Variants in WDR7 observed in about 807,000 individuals in gnomAD.
WDR7 encodes WD repeat-containing protein 7.
In WDR7, 46 loss-of-function variants were observed where a neutral mutation model predicts 169.4. That is an observed-to-expected ratio of 0.27 (90% CI 0.21 to 0.35). The LOEUF is 0.35. Ranked by LOEUF, WDR7 falls within the 10% of genes least tolerant of loss-of-function variation. The pLI, the probability that WDR7 is intolerant of heterozygous loss-of-function variation, is 1.00. For missense variants in WDR7, 1,534 were observed against 1,859.3 expected (o/e 0.83, Z 3.22); for synonymous variants, 612 against 666.8 (o/e 0.92, Z 1.27).
intron 21 of WDR7, among the ~76,000 whole-genome samples, chr18:56,891,994 A>C (rs2046270387): frequency 1.3e-5 from 2 of 152,130 alleles, no homozygotes. Context: ...TATATGTTGT[A>C]TAACAGCTTT....
chr18:56,946,581 G>A (rs759379649), intron 25 of WDR7, among the ~76,000 whole-genome samples: 3 of 152,078 alleles, frequency 2.0e-5, no homozygotes, highest in Non-Finnish European at 4.4e-5. Flanking sequence ...TTTGTCTCCT[G>A]TATTCCTTCC....
At position 56,825,649 on chromosome 18, in the gene WDR7, A is replaced by G. The variant is rs141442054; in HGVS notation, c.3304+9505A>G. Among the ~76,000 whole-genome samples, 1,180 of 152,352 alleles carry G rather than the reference A, an allele frequency of 7.7e-3. 5 individuals are homozygous for G. Among genetic ancestry groups the G allele is most frequent in the Non-Finnish European group, 0.013 (882 of 68,022 alleles). On this transcript the variant is annotated intron_variant, in intron 20 of 27. Transcript: ENST00000254442. Reference sequence around the variant, plus strand: ...ATTTTTAAAAAATCAAGTCATTTATAAACCTTACAAGAGAAAAAAGAAACA... The same window carrying G: ...ATTTTTAAAAAATCAAGTCATTTATGAACCTTACAAGAGAAAAAAGAAACA...
At chr18:56,668,415 G>A (rs536669500) in intron 1 of WDR7, among the ~76,000 whole-genome samples, 36 of 152,264 alleles carry the variant, frequency 2.4e-4, no homozygotes, top group Admixed American at 3.3e-4. Flanking sequence ...ACCCATTGAA[G>A]TCTAGGTTAG....
chr18:56,680,149 G>A (rs979507175), intron 3 of WDR7, among the ~76,000 whole-genome samples: 3 of 152,114 alleles, frequency 2.0e-5, no homozygotes, highest in African/African-American at 7.2e-5. Context: ...GTGAGCACAG[G>A]AGTTTGAGAC....
chr18:56,718,588 A>T (rs2026246228), intron 13 of WDR7, among the ~76,000 whole-genome samples: 1 of 152,200 alleles, frequency 6.6e-6, no homozygotes, highest in Non-Finnish European at 1.5e-5. Flanking sequence ...TTCTAGAGAG[A>T]ACATTTAAAA....
At chr18:56,712,959 C>T (rs554849368) in intron 12 of WDR7, among the ~76,000 whole-genome samples, 1 of 152,156 alleles carries the variant, frequency 6.6e-6, no homozygotes, top group Non-Finnish European at 1.5e-5. Context: ...CACGCATCAT[C>T]TCAGGCAAGA....
chr18:56,818,625 T>C (rs2045025985), intron 20 of WDR7, among the ~76,000 whole-genome samples: 1 of 152,190 alleles, frequency 6.6e-6, no homozygotes, highest in African/African-American at 2.4e-5. Context: ...ACCTTTAAAT[T>C]GTGTGACTCG....
intron 20 of WDR7, among the ~76,000 whole-genome samples, chr18:56,870,674 G>A (rs1415630705): frequency 6.6e-6 from 1 of 152,118 alleles, no homozygotes; most frequent in Admixed American, 6.5e-5. Context: ...TTAATTTAGA[G>A]ATGGGGTCTT....
At chr18:57,008,157 G>A (rs1290083626) in intron 26 of WDR7, among the ~76,000 whole-genome samples, 1 of 151,878 alleles carries the variant, frequency 6.6e-6, no homozygotes. Flanking sequence ...TCTTTCGTTT[G>A]TGCCTTCCCT....
At chr18:56,816,491 C>T (rs1322056219) in intron 20 of WDR7, among the ~76,000 whole-genome samples, 1 of 152,152 alleles carries the variant, frequency 6.6e-6, no homozygotes, top group African/African-American at 2.4e-5. Context: ...TTGCAACTAT[C>T]AGGTAAACTA....
chr18:56,748,058 T>G (rs1172009034), intron 14 of WDR7, among the ~76,000 whole-genome samples: 2 of 152,212 alleles, frequency 1.3e-5, no homozygotes, highest in Non-Finnish European at 2.9e-5. Flanking sequence ...CTTTGGACTT[T>G]TGCATTTTCT....
In WDR7 at chr18:56,756,715, T is replaced by A. The variant is rs1303944042; in HGVS notation, c.2122T>A (p.Ser708Thr). 1 of 1,614,184 alleles carries A rather than the reference T, an allele frequency of 6.2e-7. No individual in the cohort carries two copies. Among genetic ancestry groups the A allele is most frequent in the South Asian group, 1.1e-5 (1 of 91,088 alleles). ...LIIQLLTEEA[S>T]RPNTALISPE... ...TATTCAACTCCTGACTGAAGAAGCC[T>A]CTAGGCCGAATACTGCTCTTATTTC... is the stretch of plus-strand genomic sequence containing the variant. The change falls in exon 15 of 28, where the codon TCT becomes ACT. Residue 708 changes from serine to threonine, a missense_variant. Coordinates refer to ENST00000254442, the MANE Select transcript of WDR7 (RefSeq NM_015285.3).
chr18:56,944,821 C>T (rs1441112382), intron 25 of WDR7, among the ~76,000 whole-genome samples: 1 of 152,106 alleles, frequency 6.6e-6, no homozygotes, highest in Non-Finnish European at 1.5e-5. Flanking sequence ...TTATATCGCA[C>T]TTTGCAGATT....
At chr18:56,673,411 C>T (rs2025177823) in intron 2 of WDR7, among the ~76,000 whole-genome samples, 1 of 152,112 alleles carries the variant, frequency 6.6e-6, no homozygotes. Context: ...AATTCACATA[C>T]TACATAATTA....
chr18:56,675,418 G>A (rs938537811), intron 2 of WDR7, among the ~76,000 whole-genome samples: 3 of 151,430 alleles, frequency 2.0e-5, no homozygotes, highest in African/African-American at 7.3e-5. Flanking sequence ...AGAATATAAG[G>A]TTTGTATTAC....
intron 19 of WDR7, among the ~76,000 whole-genome samples, chr18:56,800,773 T>C (rs1407934174): frequency 6.6e-6 from 1 of 152,252 alleles, no homozygotes. Flanking sequence ...CATCTTTTTT[T>C]CTTAAAGCAC....
intron 26 of WDR7, chr18:57,009,868 A>C (rs1009316696): frequency 2.0e-6 from 2 of 985,336 alleles, no homozygotes; most frequent in African/African-American, 3.5e-5. Flanking sequence ...GAGGTGACAA[A>C]GGAGCGGGAA....
At chr18:56,809,779 A>G (rs2044837601) in intron 19 of WDR7, among the ~76,000 whole-genome samples, 1 of 152,024 alleles carries the variant, frequency 6.6e-6, no homozygotes, top group Admixed American at 6.6e-5. Context: ...CTTCTATTGT[A>G]TGTTTTTTTA....
At chr18:56,730,469 C>T (rs1248834094) in intron 13 of WDR7, among the ~76,000 whole-genome samples, 2 of 152,038 alleles carry the variant, frequency 1.3e-5, no homozygotes, top group East Asian at 1.9e-4. Flanking sequence ...AATAAAGAAG[C>T]GTTAAAGTAG....
Sources: gnomAD v4.1 joint callset for allele counts (sites outside exome capture counted in the v4.1 genomes callset) on GRCh38, gnomAD v4.1.1 for gene constraint, MANE v1.5 for transcripts, NCBI Gene and HGNC (gene_info 2026-07-23, HGNC 2026-07-21) for gene names.